The following SEMA6D variants were observed in gnomAD, a reference collection of about 807,000 sequenced individuals.
SEMA6D encodes the protein semaphorin-6D.
SEMA6D carries 35 observed loss-of-function variants against 106.6 expected under a neutral mutation model. The ratio of observed to expected loss-of-function variants is 0.33; its 90% confidence interval spans 0.25 to 0.44. The LOEUF (loss-of-function observed/expected upper bound fraction) is 0.44, where lower values mean the gene tolerates loss of function less well. Among genes scored for constraint, SEMA6D ranks in the 20% least tolerant of loss-of-function variants. The pLI is 1.00. For missense variants in SEMA6D, 1,185 were observed against 1,345.9 expected (o/e 0.88, Z 1.87); for synonymous variants, 499 against 487.7 (o/e 1.02, Z -0.31).
intron 4 of SEMA6D, among the ~76,000 whole-genome samples, chr15:47,641,911 GA>G (rs1428717802): frequency 6.6e-6 from 1 of 152,166 alleles, no homozygotes; most frequent in African/African-American, 2.4e-5. Flanking sequence ...GAGCTCTCTG[GA>G]TGTGCCCTGT....
intron 8 of SEMA6D, 125 bp downstream of exon 8, chr15:47,762,444 C>G (rs2082112365): frequency 9.2e-7 from 1 of 1,084,038 alleles, no homozygotes; most frequent in Non-Finnish European, 1.3e-6. Context: ...CAAGTACACA[C>G]TGCTTTGATT....
At chr15:47,369,537 G>A (rs911180471) in intron 1 of SEMA6D, among the ~76,000 whole-genome samples, 1 of 152,156 alleles carries the variant, frequency 6.6e-6, no homozygotes, top group African/African-American at 2.4e-5. Flanking sequence ...AAATTCAAAA[G>A]TAATGATTCT....
At chr15:47,580,070 A>G (rs925075056) in intron 3 of SEMA6D, among the ~76,000 whole-genome samples, 2 of 152,222 alleles carry the variant, frequency 1.3e-5, no homozygotes, top group Admixed American at 6.5e-5. Flanking sequence ...AAAATATGAC[A>G]TAACCCACCT....
At chr15:47,616,143 G>T (rs1232384001) in intron 4 of SEMA6D, among the ~76,000 whole-genome samples, 1 of 151,682 alleles carries the variant, frequency 6.6e-6, no homozygotes, top group Non-Finnish European at 1.5e-5. Context: ...ATACTCAAGT[G>T]TCTAGACCTT....
rs539280507 is a variant in SEMA6D, at chr15:47,262,426, G to T, written c.-239+78008G>T. 4.6e-5 allele frequency among the ~76,000 whole-genome samples: 7 copies of T among 152,144 alleles called. No homozygotes were observed. The South Asian group carries it at 1.2e-3, about 27-fold the overall frequency. On this transcript the variant is annotated intron_variant, in intron 1 of 19. Transcript: ENST00000558014. ...AGGCCTCAGGAAATTTGCAATCATG[G>T]TTGAAGGCATATCTTCACAGGGAAG...
At chr15:47,524,052 G>A (rs1021917137) in intron 3 of SEMA6D, among the ~76,000 whole-genome samples, 1 of 152,182 alleles carries the variant, frequency 6.6e-6, no homozygotes, top group African/African-American at 2.4e-5. Context: ...GGCGAGGGAC[G>A]TGGGATAGAT....
chr15:47,626,233 T>C (rs1414734948), intron 4 of SEMA6D, among the ~76,000 whole-genome samples: 1 of 152,174 alleles, frequency 6.6e-6, no homozygotes, highest in African/African-American at 2.4e-5. Flanking sequence ...ATCAGGGGTC[T>C]GTCTAAGGAA....
At chr15:47,453,704 C>T (rs2042259938) in intron 2 of SEMA6D, among the ~76,000 whole-genome samples, 1 of 151,926 alleles carries the variant, frequency 6.6e-6, no homozygotes, top group African/African-American at 2.4e-5. Context: ...TACTTCAAAA[C>T]AGGAGCCACT....
intron 2 of SEMA6D, among the ~76,000 whole-genome samples, chr15:47,465,943 T>C (rs1567099121): frequency 6.6e-6 from 1 of 152,158 alleles, no homozygotes; most frequent in Non-Finnish European, 1.5e-5. Flanking sequence ...GCTTTTCTGA[T>C]ATCAAAATGT....
At chr15:47,232,245 C>G (rs917525584) in intron 1 of SEMA6D, among the ~76,000 whole-genome samples, 4 of 151,952 alleles carry the variant, frequency 2.6e-5, no homozygotes, top group Non-Finnish European at 5.9e-5. Context: ...ATTGTTCATT[C>G]ATCAGTCAAT....
chr15:47,390,691 T>C (rs1254667969), intron 1 of SEMA6D, among the ~76,000 whole-genome samples: 1 of 152,206 alleles, frequency 6.6e-6, no homozygotes, highest in African/African-American at 2.4e-5. Flanking sequence ...TAATTTTAAC[T>C]TAAATATCGA....
intron 1 of SEMA6D, among the ~76,000 whole-genome samples, chr15:47,260,658 A>G (rs2034029440): frequency 6.6e-6 from 1 of 152,200 alleles, no homozygotes; most frequent in Admixed American, 6.5e-5. Flanking sequence ...CCCATGGGGC[A>G]AAAGAGGCTA....
At chr15:47,537,358 C>G (rs8040170) in intron 3 of SEMA6D, among the ~76,000 whole-genome samples, 1 of 152,088 alleles carries the variant, frequency 6.6e-6, no homozygotes, top group East Asian at 1.9e-4. Context: ...AGTCAGGAAA[C>G]GTGGTAAATA....
In SEMA6D at chr15:47,674,325, C is replaced by T. The variant is rs180694784; in HGVS notation, c.-55+73429C>T. ...TGTCGAGGAAGGTTGGAAGGAAAGA[C>T]GTAGCTTGTGGGAAAAGCGACTGAT... On this transcript the variant is annotated intron_variant, in intron 4 of 19. Coordinates refer to the SEMA6D transcript ENST00000558014. Among the ~76,000 whole-genome samples the T allele has an allele frequency of 2.5e-3, 387 of 152,278 alleles. 1 individual carries two copies. Among genetic ancestry groups the T allele is most frequent in the Non-Finnish European group, 4.2e-3 (284 of 68,030 alleles).
At chr15:47,242,318 A>G (rs1356014509) in intron 1 of SEMA6D, among the ~76,000 whole-genome samples, 1 of 152,168 alleles carries the variant, frequency 6.6e-6, no homozygotes, top group East Asian at 1.9e-4. Flanking sequence ...TTGAGGTATC[A>G]ACCCATTTTT....
chr15:47,283,430 G>A (rs894891897), intron 1 of SEMA6D, among the ~76,000 whole-genome samples: 13 of 152,126 alleles, frequency 8.5e-5, no homozygotes, highest in East Asian at 7.7e-4. Context: ...TTGACTTTCC[G>A]TTGGAGGTTT....
intron 4 of SEMA6D, among the ~76,000 whole-genome samples, chr15:47,668,824 C>T (rs1566973210): frequency 6.6e-6 from 1 of 152,168 alleles, no homozygotes; most frequent in Admixed American, 6.5e-5. Context: ...GCCATCATCA[C>T]TGCTCTTGCG....
At chr15:47,673,576 A>G (rs572511776) in intron 4 of SEMA6D, among the ~76,000 whole-genome samples, 2 of 152,298 alleles carry the variant, frequency 1.3e-5, no homozygotes, top group East Asian at 3.9e-4. Context: ...TTTGCAGGGG[A>G]ACCTCGTTTT....
chr15:47,340,488 C>T (rs564393307), intron 1 of SEMA6D, among the ~76,000 whole-genome samples: 2 of 152,306 alleles, frequency 1.3e-5, no homozygotes, highest in African/African-American at 4.8e-5. Flanking sequence ...CAGTCTGTTT[C>T]CCTTTTCATC....
Sources: gnomAD v4.1 joint callset for allele counts (sites outside exome capture counted in the v4.1 genomes callset) on GRCh38, gnomAD v4.1.1 for gene constraint, MANE v1.5 for transcripts, NCBI Gene and HGNC (gene_info 2026-07-23, HGNC 2026-07-21) for gene names.